Variants in TAFA5 observed in about 807,000 individuals in gnomAD.
TAFA5 encodes the protein chemokine-like protein TAFA-5.
In TAFA5, 6 loss-of-function variants were observed where a neutral mutation model predicts 15.3. The observed-to-expected ratio is 0.39, with a 90% CI of 0.21 to 0.77. The LOEUF is 0.77. Among genes scored for constraint, TAFA5 ranks in the 30% least tolerant of loss-of-function variants. The pLI, the probability that TAFA5 is intolerant of heterozygous loss-of-function variation, is 0.41. For missense variants in TAFA5, 161 were observed against 193.1 expected (o/e 0.83, Z 0.98); for synonymous variants, 103 against 80.7 (o/e 1.28, Z -1.48).
At chr22:48,670,046 C>A (rs539141676) in intron 2 of TAFA5, among the ~76,000 whole-genome samples, 42 of 152,342 alleles carry the variant, frequency 2.8e-4, no homozygotes, top group African/African-American at 1.0e-3. Context: ...GCCTGCGAAT[C>A]CCTCCTGCGG....
intron 1 of TAFA5, among the ~76,000 whole-genome samples, chr22:48,505,522 T>G (rs1301071461): frequency 6.6e-6 from 1 of 152,236 alleles, no homozygotes; most frequent in Non-Finnish European, 1.5e-5. Context: ...GCTCTGAATC[T>G]TGCCATTAAA....
intron 3 of TAFA5, among the ~76,000 whole-genome samples, chr22:48,748,477 C>T (rs895985340): frequency 5.9e-5 from 9 of 152,168 alleles, no homozygotes; most frequent in African/African-American, 1.7e-4. Flanking sequence ...ACAGGCAGAA[C>T]GGCCGTGGTG....
intron 2 of TAFA5, among the ~76,000 whole-genome samples, chr22:48,690,269 T>C (rs1237887412): frequency 1.3e-5 from 2 of 152,166 alleles, no homozygotes; most frequent in African/African-American, 4.8e-5. Flanking sequence ...GCCCAGGTGG[T>C]AACTGTGTGC....
intron 2 of TAFA5, among the ~76,000 whole-genome samples, chr22:48,678,476 T>C (rs1045714336): frequency 1.3e-5 from 2 of 151,956 alleles, no homozygotes; most frequent in Non-Finnish European, 2.9e-5. Context: ...CTGAGGCCTG[T>C]GGTCCAGGGA....
intron 1 of TAFA5, among the ~76,000 whole-genome samples, chr22:48,617,971 G>A (rs1407679504): frequency 6.6e-5 from 10 of 152,206 alleles, no homozygotes; most frequent in Admixed American, 1.3e-4. Context: ...ACATGGGCGC[G>A]GTTTTTATGG....
At chr22:48,634,522 C>G (rs1272796236) in intron 1 of TAFA5, among the ~76,000 whole-genome samples, 1 of 152,076 alleles carries the variant, frequency 6.6e-6, no homozygotes, top group Admixed American at 6.6e-5. Flanking sequence ...TTCACTCATT[C>G]ACTTATTCAC....
intron 2 of TAFA5, among the ~76,000 whole-genome samples, chr22:48,675,292 G>C (rs1474838272): frequency 6.6e-6 from 1 of 152,218 alleles, no homozygotes; most frequent in South Asian, 2.1e-4. Flanking sequence ...GTATTGCCAA[G>C]TGGCAGAGAT....
chr22:48,744,583 C>T (rs1029795453), intron 3 of TAFA5, among the ~76,000 whole-genome samples: 1 of 152,138 alleles, frequency 6.6e-6, no homozygotes, highest in Admixed American at 6.5e-5. Flanking sequence ...GGGCACTCGG[C>T]AAAGTCGCTC....
At chr22:48,744,641 C>T (rs749206279) in intron 3 of TAFA5, among the ~76,000 whole-genome samples, 12 of 152,202 alleles carry the variant, frequency 7.9e-5, no homozygotes, top group Non-Finnish European at 1.5e-4. Flanking sequence ...CCTGTGTGCT[C>T]TTCCGGCGAC....
At chr22:48,595,975 C>G (rs992616773) in intron 1 of TAFA5, among the ~76,000 whole-genome samples, 1 of 152,200 alleles carries the variant, frequency 6.6e-6, no homozygotes, top group Admixed American at 6.5e-5. Context: ...AAGCTCCATT[C>G]TGGAGGAATT....
chr22:48,674,569 G>A (rs568616231), intron 2 of TAFA5, among the ~76,000 whole-genome samples: 10 of 152,174 alleles, frequency 6.6e-5, no homozygotes, highest in Non-Finnish European at 1.0e-4. Context: ...TTTGGGCGTC[G>A]ACATTGGGGC....
intron 3 of TAFA5, among the ~76,000 whole-genome samples, chr22:48,720,040 T>A (rs888403066): frequency 6.6e-6 from 1 of 152,212 alleles, no homozygotes; most frequent in African/African-American, 2.4e-5. Context: ...CGATCTTCCT[T>A]AAAGAATTTG....
At chr22:48,665,622 C>T (rs554551026) in intron 2 of TAFA5, among the ~76,000 whole-genome samples, 2 of 152,208 alleles carry the variant, frequency 1.3e-5, no homozygotes, top group South Asian at 4.2e-4. Flanking sequence ...ACAGATCCAA[C>T]ATCATTTATT....
At chr22:48,629,139 G>A (rs923948531) in intron 1 of TAFA5, among the ~76,000 whole-genome samples, 4 of 152,080 alleles carry the variant, frequency 2.6e-5, no homozygotes, top group African/African-American at 7.2e-5. Context: ...GGCTCCCCTC[G>A]AGGTGGACTC....
In TAFA5 at chr22:48,506,156, C is replaced by A. The variant is rs533854263; in HGVS notation, c.112+16452C>A. Among the ~76,000 whole-genome samples the A allele has an allele frequency of 6.6e-5, 10 of 152,326 alleles. No homozygotes were observed. The South Asian group carries it at 1.4e-3, about 22-fold the overall frequency. The stretch of plus-strand genomic sequence containing the variant: ...CAGCATGTGCCCCTGGGCTGCTGGC[C>A]TCGCCTGGCCCCTCCTCCTGCAGCC... On this transcript the variant is annotated intron_variant, in intron 1 of 3. Transcript: ENST00000402357.
At chr22:48,571,037 A>AC (rs1410453465) in intron 1 of TAFA5, among the ~76,000 whole-genome samples, 1 of 152,104 alleles carries the variant, frequency 6.6e-6, no homozygotes, top group East Asian at 1.9e-4. Flanking sequence ...GTGGAGTGTA[A>AC]CCTAGATCAG....
At chr22:48,572,075 AT>A (rs1362411422) in intron 1 of TAFA5, among the ~76,000 whole-genome samples, 12 of 152,102 alleles carry the variant, frequency 7.9e-5, no homozygotes, top group Non-Finnish European at 1.2e-4. Context: ...GAATGATACT[AT>A]TTAGAATAAT....
rs1922886562 is a variant in TAFA5, at chr22:48,552,378, G to A, written c.112+62674G>A. ...AGCCCTCAGGAAACCTTCTCAGGGGGTCCCGTTTAGGAAACAAATCCCTCT... is the reference window on the plus strand; with the variant it reads ...AGCCCTCAGGAAACCTTCTCAGGGGATCCCGTTTAGGAAACAAATCCCTCT... On this transcript the variant is annotated intron_variant, in intron 1 of 3. Coordinates refer to ENST00000402357, the MANE Select transcript of TAFA5 (RefSeq NM_001082967.3). This position sits in a 1 kb window ranked among gnomAD's most constrained non-coding sequence, Gnocchi z 4.1. Among the ~76,000 whole-genome samples, 1 of 152,098 alleles carries A rather than the reference G, an allele frequency of 6.6e-6. No homozygotes were observed. The highest frequency in any genetic ancestry group is 1.5e-5 in the Non-Finnish European group (1 of 68,002).
chr22:48,614,851 C>T (rs1925539482), intron 1 of TAFA5, among the ~76,000 whole-genome samples: 1 of 152,116 alleles, frequency 6.6e-6, no homozygotes, highest in Admixed American at 6.5e-5. Context: ...CTGGGGGTGG[C>T]ACTGGGGCTG....
Sources: allele counts gnomAD v4.1 joint callset (sites outside exome capture counted in the v4.1 genomes callset), GRCh38; gene constraint gnomAD v4.1.1; non-coding constraint Gnocchi (gnomAD v3.1); transcripts MANE v1.5; gene names NCBI Gene and HGNC (gene_info 2026-07-23, HGNC 2026-07-21).